Variants in ARNT observed in about 807,000 individuals in gnomAD.
The protein encoded by ARNT is class E basic helix-loop-helix protein 2.
A neutral mutation model predicts 105.0 loss-of-function variants in ARNT; 30 were observed. The observed-to-expected ratio is 0.29, with a 90% CI of 0.21 to 0.39. The LOEUF is 0.39. Ranked by LOEUF, ARNT falls within the 10% of genes least tolerant of loss-of-function variation. The probability of loss-of-function intolerance (pLI) is 1.00; values close to 1 mark genes in which losing one functional copy is unlikely to be tolerated. For missense variants in ARNT, 748 were observed against 978.7 expected (o/e 0.76, Z 3.15); for synonymous variants, 304 against 344.0 (o/e 0.88, Z 1.29).
chr1:150,867,097 G>A (rs1404204724), intron 1 of ARNT, among the ~76,000 whole-genome samples: 1 of 151,888 alleles, frequency 6.6e-6, no homozygotes, highest in Admixed American at 6.6e-5. Context: ...CCAGCTACTC[G>A]AGAGGCTGAG....
chr1:150,870,198 G>T (rs1046442010), intron 1 of ARNT, among the ~76,000 whole-genome samples: 5 of 152,002 alleles, frequency 3.3e-5, no homozygotes, highest in African/African-American at 1.2e-4. Context: ...TGTAAAACAA[G>T]AATAATAATA....
In ARNT at chr1:150,836,498, G is replaced by A. The variant is rs199643789; in HGVS notation, c.487-5C>T. On this transcript the variant is annotated splice_polypyrimidine_tract_variant and splice_region_variant and intron_variant, in intron 6 of 21. Coordinates refer to ENST00000358595, the MANE Select transcript of ARNT (RefSeq NM_001668.4). ...CAAGATCAAATGTTTCAGTTCCTGCGCAAGAAAAAGAAATAGAAGTTAATA... is the reference window on the plus strand; with the variant it reads ...CAAGATCAAATGTTTCAGTTCCTGCACAAGAAAAAGAAATAGAAGTTAATA... 1.6e-5 allele frequency: 25 copies of A among 1,611,822 alleles called. No homozygotes were observed. The highest frequency in any genetic ancestry group is 8.0e-5 in the African/African-American group (6 of 74,748).
chr1:150,818,430 C>T (rs1284100505), intron 14 of ARNT: 1 of 153,536 alleles, frequency 6.5e-6, no homozygotes, highest in Non-Finnish European at 1.4e-5. Flanking sequence ...ATACTTTCCA[C>T]ATTTTCTATA....
chr1:150,829,337 T>C, intron 11 of ARNT, 110 bp from the exon 12 acceptor site: 1 of 1,202,564 alleles, frequency 8.3e-7, no homozygotes, highest in East Asian at 2.4e-5. Flanking sequence ...TTTTAGGACT[T>C]TCTAAACTTT....
intron 1 of ARNT, among the ~76,000 whole-genome samples, chr1:150,875,861 T>C (rs2102551930): frequency 6.6e-6 from 1 of 152,336 alleles, no homozygotes; most frequent in Middle Eastern, 3.4e-3. Context: ...AACCTGGGGC[T>C]GTGGAACTAA....
In ARNT at chr1:150,817,061, GATA is replaced by G; in HGVS notation, c.1699+18_1699+20del. 6.2e-7 allele frequency: 1 copy of G among 1,614,010 alleles called. No individual in the cohort carries two copies. The highest frequency in any genetic ancestry group is 8.5e-7 in the Non-Finnish European group (1 of 1,179,980). ...AGTGATCTAAATGAGAATTTAAAAG[GATA>G]ATGAGAAAGAAACATACCCGCATTG... On this transcript the variant is annotated intron_variant, in intron 17 of 21. Transcript: ENST00000358595.
In ARNT at chr1:150,816,803, G is replaced by T; in HGVS notation, c.1787C>A (p.Pro596Gln). Residue 596 changes from proline to glutamine, a missense_variant, in exon 18 of 22, where the codon CCG becomes CAG. By Grantham distance (76) the Pro-to-Gln change is moderately conservative (BLOSUM62 -1). Coordinates refer to ENST00000358595, the MANE Select transcript of ARNT (RefSeq NM_001668.4). ...CGGGGCTCACCTGAAATTCTCTGCC[G>T]GCCGGGGGGTAGGAGGGAATGTGTT... ...QGNTFPPTPRPAENFRNSGLA... is the reference protein window; with the variant it reads ...QGNTFPPTPRQAENFRNSGLA... The T allele has an allele frequency of 6.3e-7, 1 of 1,582,140 alleles. No individual in the cohort carries two copies. The highest frequency in any genetic ancestry group is 8.5e-7 in the Non-Finnish European group (1 of 1,171,996).
Position 150,809,739 on chromosome 1 carries a change from A to T in ARNT, c.*2282T>A, listed in dbSNP as rs1203165976. On this transcript the variant is annotated 3_prime_UTR_variant, in exon 22 of 22. Coordinates refer to ENST00000358595, the MANE Select transcript of ARNT (RefSeq NM_001668.4). The stretch of plus-strand genomic sequence containing the variant: ...TTAAATTTCACTCATTTTAATCCAG[A>T]AAAGGACATACTGGGGGAAGGCATC... 1 of 210,452 alleles carries T rather than the reference A, an allele frequency of 4.8e-6. No individual in the cohort carries two copies. Among genetic ancestry groups the T allele is most frequent in the Non-Finnish European group, 9.6e-6 (1 of 103,690 alleles). The allele number at this position is 210,452 out of a possible 1,614,324, so 13.0% of individuals were successfully genotyped here. A position where few individuals can be genotyped will look rare whatever the true frequency, so the allele number is the denominator to read the frequency against.
intron 7 of ARNT, among the ~76,000 whole-genome samples, chr1:150,835,130 C>A (rs1167009322): frequency 9.0e-6 from 1 of 111,422 alleles, no homozygotes; most frequent in Non-Finnish European, 1.9e-5. Context: ...TAAAGCAAGA[C>A]CTTGTCTCAA....
chr1:150,838,150 T>C (rs1435458585), intron 6 of ARNT, among the ~76,000 whole-genome samples: 1 of 152,206 alleles, frequency 6.6e-6, no homozygotes, highest in Non-Finnish European at 1.5e-5. Flanking sequence ...CATCATTAGA[T>C]CCCAGCCTAC....
rs377274345 is a variant in ARNT, at chr1:150,835,071, T to C, written c.701-431A>G. Among the ~76,000 whole-genome samples, 14 of 150,084 alleles carry C rather than the reference T, an allele frequency of 9.3e-5. No individual in the cohort carries two copies. In the Admixed American group the frequency reaches 9.4e-4, roughly 10 times the overall value. Reference sequence around the variant, plus strand: ...TGAGGGCAGGAGTTTGAGGCTGTAGTGTGCTATGACTGTGCCTGTGAAGAG... The same window carrying C: ...TGAGGGCAGGAGTTTGAGGCTGTAGCGTGCTATGACTGTGCCTGTGAAGAG... On this transcript the variant is annotated intron_variant, in intron 7 of 21. Transcript: ENST00000358595.
intron 19 of ARNT, 29 bp downstream of exon 19, chr1:150,816,230 A>G (rs1192747934): frequency 1.3e-6 from 2 of 1,574,168 alleles, no homozygotes; most frequent in Non-Finnish European, 1.7e-6. Context: ...AAAATAATAC[A>G]CAGGGAACAC....
intron 1 of ARNT, among the ~76,000 whole-genome samples, chr1:150,861,929 G>T (rs766697932): frequency 5.5e-4 from 84 of 152,298 alleles, no homozygotes; most frequent in Non-Finnish European, 9.8e-4. Context: ...GCAGGCTAAT[G>T]TAAGTATTCC....
In ARNT at chr1:150,809,983, T is replaced by C. The variant is rs587619661; in HGVS notation, c.*2038A>G. 16 of 227,520 alleles carry C rather than the reference T, an allele frequency of 7.0e-5. No homozygotes were observed. The highest frequency in any genetic ancestry group is 4.4e-5 in the Non-Finnish European group (5 of 114,118). 14.1% of individuals were successfully genotyped at this position (227,520 alleles called of 1,614,324 possible). ...GAAATTAAAGACACAATGTGCCTTA[T>C]GTTTGTATGTCTGGAGCTTAAACTA... On this transcript the variant is annotated 3_prime_UTR_variant, in exon 22 of 22. Coordinates refer to ENST00000358595, the MANE Select transcript of ARNT (RefSeq NM_001668.4).
At chr1:150,826,392 T>C (rs1244252971) in intron 13 of ARNT, 151 bp downstream of exon 13, 1 of 610,000 alleles carries the variant, frequency 1.6e-6, no homozygotes, top group African/African-American at 1.8e-5. Context: ...TTTCAAAGTA[T>C]TAGTCCTTTT....
At chr1:150,839,715 G>A in intron 5 of ARNT, 61 bp from the exon 6 acceptor site, 1 of 1,511,036 alleles carries the variant, frequency 6.6e-7, no homozygotes, top group South Asian at 1.2e-5. Flanking sequence ...TGGTAGCAGG[G>A]AGAGTGATAT....
At chr1:150,813,471 A>G (rs1655164290) in intron 20 of ARNT, 133 bp from the exon 21 acceptor site, 2 of 910,878 alleles carry the variant, frequency 2.2e-6, no homozygotes, top group Non-Finnish European at 3.1e-6. Context: ...TCTGCCAATC[A>G]ATGCCTTTTC....
At chr1:150,860,215 A>AATTTT (rs1221352608) in intron 1 of ARNT, among the ~76,000 whole-genome samples, 3 of 65,622 alleles carry the variant, frequency 4.6e-5, no homozygotes, top group Admixed American at 3.5e-4. Context: ...AAAAAAAAAA[A>AATTTT]TTCTTTTTTT....
chr1:150,821,676 T>C (rs1039993358), intron 14 of ARNT, among the ~76,000 whole-genome samples: 2 of 151,832 alleles, frequency 1.3e-5, no homozygotes. Flanking sequence ...TGAGATGGAG[T>C]CTCCCTCTGT....
Sources: allele counts gnomAD v4.1 joint callset (sites outside exome capture counted in the v4.1 genomes callset), GRCh38; gene constraint gnomAD v4.1.1; transcripts MANE v1.5; gene names NCBI Gene and HGNC (gene_info 2026-07-23, HGNC 2026-07-21).